The following SLC2A9 variants were observed in gnomAD, a reference collection of about 807,000 sequenced individuals.
The protein encoded by SLC2A9 is solute carrier family 2, facilitated glucose transporter member 9.
A neutral mutation model predicts 50.6 loss-of-function variants in SLC2A9; 39 were observed. The observed-to-expected ratio is 0.77, with a 90% confidence interval of 0.60 to 1.01. The LOEUF (loss-of-function observed/expected upper bound fraction) is 1.01, where lower values mean the gene tolerates loss of function less well. Ranked by LOEUF, SLC2A9 falls within the 50% of genes least tolerant of loss-of-function variation. SLC2A9 has a pLI of 0.00. For synonymous variants in SLC2A9, 324 were observed against 276.9 expected (o/e 1.17, Z -1.69); for missense variants, 686 against 677.6 (o/e 1.01, Z -0.14).
intron 4 of SLC2A9, among the ~76,000 whole-genome samples, chr4:9,982,371 C>T (rs1195477347): frequency 2.0e-5 from 3 of 152,206 alleles, no homozygotes; most frequent in Admixed American, 6.5e-5. Flanking sequence ...TGCCACAAGT[C>T]GGAAAGACCG....
At chr4:10,018,811 G>C (rs1763095925) in intron 2 of SLC2A9, among the ~76,000 whole-genome samples, 164 bp downstream of exon 2, 1 of 152,114 alleles carries the variant, frequency 6.6e-6, no homozygotes, top group South Asian at 2.1e-4. Flanking sequence ...ATCATTGTCT[G>C]TCTCTGTGCC....
intron 3 of SLC2A9, 39 bp from the exon 4 acceptor site, chr4:9,985,832 A>G: frequency 1.2e-6 from 2 of 1,613,522 alleles, no homozygotes; most frequent in Non-Finnish European, 8.5e-7. Flanking sequence ...ATGTCTAACC[A>G]TGAGGCATGT....
chr4:9,790,094 G>A (rs1719710727), intron 3 of SLC2A9, among the ~76,000 whole-genome samples: 2 of 152,234 alleles, frequency 1.3e-5, no homozygotes, highest in African/African-American at 2.4e-5. Context: ...GCCAGGTTAT[G>A]CTTCTAGTAA....
At chr4:9,827,834 C>T (rs1480796459) in intron 11 of SLC2A9, among the ~76,000 whole-genome samples, 1 of 152,156 alleles carries the variant, frequency 6.6e-6, no homozygotes, top group Non-Finnish European at 1.5e-5. Flanking sequence ...TGAAGCCAGT[C>T]GAGTGGGATT....
intron 3 of SLC2A9, among the ~76,000 whole-genome samples, chr4:9,799,698 C>CCACT (rs1553813274): frequency 4.2e-5 from 3 of 71,490 alleles, no homozygotes; most frequent in African/African-American, 1.4e-4. Flanking sequence ...TTGTACCCCC[C>CCACT]CCCCACCCAA....
intron 3 of SLC2A9, among the ~76,000 whole-genome samples, chr4:9,819,529 T>C (rs1199194552): frequency 6.6e-6 from 1 of 152,262 alleles, no homozygotes; most frequent in African/African-American, 2.4e-5. Context: ...TTGTTGAGTT[T>C]TGAATGCTCT....
intron 10 of SLC2A9, among the ~76,000 whole-genome samples, chr4:9,845,300 A>G (rs2109258960): frequency 6.6e-6 from 1 of 152,154 alleles, no homozygotes; most frequent in African/African-American, 2.4e-5. Flanking sequence ...GGCGTGAGCC[A>G]CCACGCCCAG....
At chr4:9,980,465 T>A in intron 5 of SLC2A9, 127 bp downstream of exon 5, 1 of 1,274,228 alleles carries the variant, frequency 7.8e-7, no homozygotes, top group Non-Finnish European at 1.1e-6. Flanking sequence ...TTTTCTCCAA[T>A]AATAAGTAAG....
Position 9,920,519 on chromosome 4 carries a change from G to A in SLC2A9, c.868C>T (p.Leu290=), listed in dbSNP as rs1743739072. 2 of 1,614,078 alleles carry A rather than the reference G, an allele frequency of 1.2e-6. No homozygotes were observed. Among genetic ancestry groups the A allele is most frequent in the African/African-American group, 2.7e-5 (2 of 74,952 alleles). ...CTCCTCTGCACGCGGCTCTCAGCCAGGACCTCCTCTACCTCTTGGGAAACG... is the reference window on the plus strand; with the variant it reads ...CTCCTCTGCACGCGGCTCTCAGCCAAGACCTCCTCTACCTCTTGGGAAACG... ...ADVSQEVEEV[L]AESRVQRSIR... is the part of the protein sequence containing the mutation. Residue 290 remains leucine (L), a synonymous_variant, in exon 7 of 12, where the codon CTG becomes TTG. Transcript: ENST00000264784.
intron 1 of SLC2A9, chr4:10,034,876 T>C (rs1764047815): frequency 6.6e-6 from 1 of 152,222 alleles, no homozygotes; most frequent in Non-Finnish European, 1.5e-5. Flanking sequence ...TCTGCCACAC[T>C]AGCTCTGGAG....
chr4:9,789,069 A>T (rs2108877230), intron 3 of SLC2A9, among the ~76,000 whole-genome samples: 1 of 152,322 alleles, frequency 6.6e-6, no homozygotes, highest in East Asian at 1.9e-4. Context: ...ATCAGTGAGC[A>T]TCTCTATTTC....
rs147534794 is a variant in SLC2A9, at chr4:9,835,001, G to A, written c.1299C>T (p.Ile433=). The change falls in exon 11 of 12, where the codon ATC becomes ATT. Residue 433 remains isoleucine, a synonymous_variant. Transcript: ENST00000264784. The stretch of plus-strand genomic sequence containing the variant: ...AGAACTCACCAGTCAAGATGAACGG[G>A]ATGCCACCTGCAGTGTGTGAGCCAG... ...IASFCSGPGG[I]PFILTGEFFQ... 1,438 of 1,613,230 alleles carry A rather than the reference G, an allele frequency of 8.9e-4. 2 individuals are homozygous for A. Among genetic ancestry groups the A allele is most frequent in the Non-Finnish European group, 7.2e-4 (850 of 1,179,960 alleles).
At chr4:9,988,038 C>T (rs1001295847) in intron 3 of SLC2A9, among the ~76,000 whole-genome samples, 2 of 152,214 alleles carry the variant, frequency 1.3e-5, no homozygotes, top group African/African-American at 4.8e-5. Flanking sequence ...GGAATGACAC[C>T]GGCTAATACT....
chr4:9,939,762 C>T (rs951193464), intron 6 of SLC2A9, among the ~76,000 whole-genome samples: 20 of 152,134 alleles, frequency 1.3e-4, no homozygotes, highest in African/African-American at 4.6e-4. Context: ...TAGACCTTCA[C>T]CCTCCCTCAC....
At chr4:9,931,913 ACTCTCTCTCTCTCTCTCTCTCT>A (rs1163786274) in intron 6 of SLC2A9, among the ~76,000 whole-genome samples, 6 of 15,690 alleles carry the variant, frequency 3.8e-4, no homozygotes, top group Admixed American at 8.8e-4. Flanking sequence ...AATGAGAATG[ACTCTCTCTCTCTCTCTCTCTCT>A]CTCTCTCTCT....
intron 10 of SLC2A9, among the ~76,000 whole-genome samples, chr4:9,866,316 C>T (rs1732460872): frequency 6.6e-6 from 1 of 152,034 alleles, no homozygotes; most frequent in Admixed American, 6.6e-5. Context: ...ACACCTCCTC[C>T]AATATGTTAA....
At chr4:9,805,692 T>G (rs1441674867) in intron 3 of SLC2A9, among the ~76,000 whole-genome samples, 5 of 146,714 alleles carry the variant, frequency 3.4e-5, no homozygotes, top group South Asian at 4.2e-4. Flanking sequence ...TGTCAGTTTT[T>G]TTTTTTTTTT....
In SLC2A9 at chr4:9,981,815, G is replaced by A. The variant is rs373718172; in HGVS notation, c.536-1078C>T. On this transcript the variant is annotated intron_variant, in intron 4 of 11. Coordinates refer to ENST00000264784, the MANE Select transcript of SLC2A9 (RefSeq NM_020041.3). Reference sequence around the variant, plus strand: ...TCAAATACTCCGGGAGAACCTGGCTGGATTAGCAAGTCTTAGAGCCTTCTA... The same window carrying A: ...TCAAATACTCCGGGAGAACCTGGCTAGATTAGCAAGTCTTAGAGCCTTCTA... 5.2e-4 allele frequency among the ~76,000 whole-genome samples: 79 copies of A among 152,124 alleles called. 1 individual carries two copies. The highest frequency in any genetic ancestry group is 1.8e-3 in the African/African-American group (73 of 41,428).
intron 10 of SLC2A9, among the ~76,000 whole-genome samples, chr4:9,867,428 T>C (rs1732669195): frequency 6.6e-6 from 1 of 152,182 alleles, no homozygotes; most frequent in South Asian, 2.1e-4. Flanking sequence ...TGAAAGGAGA[T>C]AATGCAGGTA....
Sources: allele counts gnomAD v4.1 joint callset (sites outside exome capture counted in the v4.1 genomes callset), GRCh38; gene constraint gnomAD v4.1.1; transcripts MANE v1.5; gene names NCBI Gene and HGNC (gene_info 2026-07-23, HGNC 2026-07-21).